The following B3GAT2 variants were observed in gnomAD, a reference collection of about 807,000 sequenced individuals.
B3GAT2 encodes galactosylgalactosylxylosylprotein 3-beta-glucuronosyltransferase 2.
B3GAT2 carries 26 observed loss-of-function variants against 27.8 expected under a neutral mutation model. The observed-to-expected ratio is 0.93, with a 90% confidence interval of 0.68 to 1.30. The LOEUF (loss-of-function observed/expected upper bound fraction) is 1.30. B3GAT2 is among the 50% of genes most tolerant of loss of function. The pLI is 0.00. For synonymous variants in B3GAT2, 218 were observed against 195.1 expected, an observed-to-expected ratio of 1.12 and a Z score of -0.98; for missense variants, 458 against 459.0, an observed-to-expected ratio of 1.00 and a Z score of 0.02.
intron 1 of B3GAT2, among the ~76,000 whole-genome samples, chr6:70,922,986 TAAC>T (rs959574243): frequency 1.3e-5 from 2 of 152,198 alleles, no homozygotes; most frequent in African/African-American, 4.8e-5. Flanking sequence ...TAAATGGGTA[TAAC>T]AACATCAATG....
At chr6:70,870,945 G>A (rs913820293) in intron 2 of B3GAT2, among the ~76,000 whole-genome samples, 9 of 152,136 alleles carry the variant, frequency 5.9e-5, no homozygotes, top group Admixed American at 3.9e-4. Flanking sequence ...TCTCTCTAGT[G>A]TTTTTATCAT....
At chr6:70,916,401 G>C (rs1286911897) in intron 1 of B3GAT2, among the ~76,000 whole-genome samples, 1 of 152,030 alleles carries the variant, frequency 6.6e-6, no homozygotes, top group Non-Finnish European at 1.5e-5. Context: ...TATTTCTCTT[G>C]CCTTATTGCC....
At chr6:70,867,330 C>CTATT (rs1304207016) in intron 2 of B3GAT2, among the ~76,000 whole-genome samples, 1 of 151,702 alleles carries the variant, frequency 6.6e-6, no homozygotes, top group Non-Finnish European at 1.5e-5. Flanking sequence ...GATATGAGAG[C>CTATT]AGAAACGACT....
At chr6:70,953,338 CAAAT>C in intron 1 of B3GAT2, among the ~76,000 whole-genome samples, 1 of 152,316 alleles carries the variant, frequency 6.6e-6, no homozygotes, top group East Asian at 1.9e-4. Context: ...GGCTGTCTCA[CAAAT>C]AAACCTACGG....
At chr6:70,928,159 A>T (rs1047065850) in intron 1 of B3GAT2, among the ~76,000 whole-genome samples, 1 of 152,198 alleles carries the variant, frequency 6.6e-6, no homozygotes, top group African/African-American at 2.4e-5. Context: ...ACAACATACC[A>T]GAATCTCTGG....
At chr6:70,955,344 T>C (rs1323486271) in intron 1 of B3GAT2, among the ~76,000 whole-genome samples, 3 of 152,082 alleles carry the variant, frequency 2.0e-5, no homozygotes, top group Non-Finnish European at 4.4e-5. Flanking sequence ...TCTCCCTATA[T>C]GGTCCTAGAC....
chr6:70,932,524 GA>G (rs1338129204), intron 1 of B3GAT2, among the ~76,000 whole-genome samples: 1 of 152,142 alleles, frequency 6.6e-6, no homozygotes, highest in Admixed American at 6.5e-5. Context: ...GACATTAAGT[GA>G]AATAAACCAG....
intron 2 of B3GAT2, among the ~76,000 whole-genome samples, chr6:70,880,945 A>G (rs568489503): frequency 6.6e-6 from 1 of 152,282 alleles, no homozygotes; most frequent in South Asian, 2.1e-4. Context: ...CTGGGATTAC[A>G]GATGTGAGCC....
intron 1 of B3GAT2, among the ~76,000 whole-genome samples, chr6:70,929,421 A>G (rs1773022242): frequency 1.3e-5 from 2 of 152,346 alleles, no homozygotes; most frequent in African/African-American, 4.8e-5. Context: ...CTCTGTTTGC[A>G]GATGACATGA....
At chr6:70,935,249 C>G (rs1773125014) in intron 1 of B3GAT2, among the ~76,000 whole-genome samples, 1 of 151,984 alleles carries the variant, frequency 6.6e-6, no homozygotes, top group African/African-American at 2.4e-5. Context: ...AGCTTGAGAC[C>G]AGCCAGGGAA....
rs1483838916 is a variant in B3GAT2 at position 70,956,017 on chromosome 6, G to A, written c.413C>T (p.Thr138Ile). The change falls in exon 1 of 4, where the codon ACT becomes ATT. Residue 138 changes from threonine to isoleucine, a missense_variant. Transcript: ENST00000230053. Reference protein sequence around the residue: ...RFLARAGLPSTHLHVPTPRRY... With the variant: ...RFLARAGLPSIHLHVPTPRRY... The stretch of plus-strand genomic sequence containing the variant: ...CCGCGGCGTGGGCACGTGCAGGTGA[G>A]TGCTGGGCAGCCCGGCCCGCGCCAG... The A allele has an allele frequency of 2.0e-6, 3 of 1,521,814 alleles. No homozygotes were observed. Among genetic ancestry groups the A allele is most frequent in the African/African-American group, 1.4e-5 (1 of 69,854 alleles). The allele number at this position is 1,521,814 out of a possible 1,614,324, so 94.3% of individuals were successfully genotyped here. A position where few individuals can be genotyped will look rare whatever the true frequency, so the allele number is the denominator to read the frequency against.
chr6:70,956,443 T>C lies in B3GAT2; in HGVS notation c.-14A>G, dbSNP rs1320315. The C allele has an allele frequency of 0.7, 1,086,394 of 1,550,522 alleles. 382,499 individuals are homozygous for C. The highest frequency in any genetic ancestry group is 0.77 in the Admixed American group (39,434 of 50,988). On this transcript the variant is annotated 5_prime_UTR_variant, in exon 1 of 4. Coordinates refer to ENST00000230053, the MANE Select transcript of B3GAT2 (RefSeq NM_080742.3). Reference sequence around the variant, plus strand: ...CGCGGACTTCATGGTGCACGCTCCCTGGCCTCTCGGACACCCCAGAGAGGG... The same window carrying C: ...CGCGGACTTCATGGTGCACGCTCCCCGGCCTCTCGGACACCCCAGAGAGGG...
At chr6:70,901,781 A>C (rs570027470) in intron 1 of B3GAT2, among the ~76,000 whole-genome samples, 1 of 152,348 alleles carries the variant, frequency 6.6e-6, no homozygotes, top group South Asian at 2.1e-4. Flanking sequence ...TGGGAAACTG[A>C]AAAACAGATC....
chr6:70,909,110 C>T (rs1162497639), intron 1 of B3GAT2, among the ~76,000 whole-genome samples: 1 of 152,050 alleles, frequency 6.6e-6, no homozygotes, highest in African/African-American at 2.4e-5. Context: ...AAATCTAATT[C>T]AGAAAGCCCA....
At chr6:70,901,652 G>A (rs999994288) in intron 1 of B3GAT2, among the ~76,000 whole-genome samples, 12 of 152,166 alleles carry the variant, frequency 7.9e-5, no homozygotes, top group Non-Finnish European at 1.5e-4. Context: ...GCCCTCCCCC[G>A]TTTGCCACAG....
At chr6:70,870,651 C>CA (rs1771919463) in intron 2 of B3GAT2, among the ~76,000 whole-genome samples, 1 of 151,504 alleles carries the variant, frequency 6.6e-6, no homozygotes. Flanking sequence ...AACAAACAAA[C>CA]AAAAAAACAG....
At chr6:70,868,131 G>A (rs1771880222) in intron 2 of B3GAT2, among the ~76,000 whole-genome samples, 1 of 152,040 alleles carries the variant, frequency 6.6e-6, no homozygotes, top group African/African-American at 2.4e-5. Flanking sequence ...AAGCCTCTCA[G>A]CAAACTAAGA....
chr6:70,926,163 C>A (rs960063040), intron 1 of B3GAT2, among the ~76,000 whole-genome samples: 22 of 152,188 alleles, frequency 1.4e-4, no homozygotes, highest in Non-Finnish European at 2.6e-4. Flanking sequence ...ACCAAAACCC[C>A]ATCTGTAGGT....
At chr6:70,902,693 A>G (rs908592671) in intron 1 of B3GAT2, among the ~76,000 whole-genome samples, 6 of 151,070 alleles carry the variant, frequency 4.0e-5, no homozygotes, top group Non-Finnish European at 8.9e-5. Flanking sequence ...TAAACACAAT[A>G]GGGTACTATT....
Sources: allele counts gnomAD v4.1 joint callset (sites outside exome capture counted in the v4.1 genomes callset), GRCh38; gene constraint gnomAD v4.1.1; transcripts MANE v1.5; gene names NCBI Gene and HGNC (gene_info 2026-07-23, HGNC 2026-07-21).